Variants in PRKCA observed in about 807,000 individuals in gnomAD.
The protein encoded by PRKCA is protein kinase C alpha type.
Under a neutral mutation model 87.0 loss-of-function variants are expected in PRKCA, and 27 were observed. The ratio of observed to expected loss-of-function variants is 0.31; its 90% CI spans 0.23 to 0.43. The LOEUF (loss-of-function observed/expected upper bound fraction) is 0.43, where lower values mean the gene tolerates loss of function less well. Ranked by LOEUF, PRKCA falls within the 20% of genes least tolerant of loss-of-function variation. The pLI is 1.00. For synonymous variants in PRKCA, 329 were observed against 311.1 expected, an observed-to-expected ratio of 1.06 and a Z score of -0.61; for missense variants, 518 against 852.3, an observed-to-expected ratio of 0.61 and a Z score of 4.88.
At chr17:66,525,486 A>G (rs1302504624) in intron 3 of PRKCA, among the ~76,000 whole-genome samples, 1 of 152,230 alleles carries the variant, frequency 6.6e-6, no homozygotes, top group East Asian at 1.9e-4. Context: ...ACCACTTGAA[A>G]TCTGGTGCCC....
At chr17:66,660,358 T>G (rs1326725834) in intron 5 of PRKCA, among the ~76,000 whole-genome samples, 1 of 152,208 alleles carries the variant, frequency 6.6e-6, no homozygotes, top group Non-Finnish European at 1.5e-5. Flanking sequence ...TCCTTGCTGT[T>G]GTTTTAACTT....
At chr17:66,371,751 G>A (rs1438597199) in intron 2 of PRKCA, among the ~76,000 whole-genome samples, 1 of 152,202 alleles carries the variant, frequency 6.6e-6, no homozygotes, top group Admixed American at 6.5e-5. Flanking sequence ...ATACATTAGA[G>A]CAGGCAGGGT....
chr17:66,397,275 CTT>C (rs57003663), intron 2 of PRKCA, among the ~76,000 whole-genome samples: 1 of 93,718 alleles, frequency 1.1e-5, no homozygotes, highest in Non-Finnish European at 2.0e-5. Flanking sequence ...CCAGTGTAGA[CTT>C]TTTTTTTTTT....
At position 66,453,620 on chromosome 17, in the gene PRKCA, C is replaced by G. The variant is rs547745838; in HGVS notation, c.206-42581C>G. 2.0e-4 allele frequency among the ~76,000 whole-genome samples: 30 copies of G among 152,222 alleles called. 1 individual carries two copies. In the South Asian group the frequency reaches 5.8e-3, roughly 30 times the overall value. On this transcript the variant is annotated intron_variant, in intron 2 of 16. Coordinates refer to ENST00000413366, the MANE Select transcript of PRKCA (RefSeq NM_002737.3). ...GACGTGAGCCACTGCGCCCAGCCCC[C>G]CTGATCTTTAGAACTGCCCTGCTTG...
rs769899850 is a variant in PRKCA, at chr17:66,318,071, T to G, written c.205+11944T>G. ...GCTTCAAAATAAGATGATCATATTA[T>G]GAGTAATTTGCCTAACAATACTTCT... On this transcript the variant is annotated intron_variant, in intron 2 of 16. Coordinates refer to ENST00000413366, the MANE Select transcript of PRKCA (RefSeq NM_002737.3). Among the ~76,000 whole-genome samples, 5 of 152,248 alleles carry G rather than the reference T, an allele frequency of 3.3e-5. No individual in the cohort carries two copies. In the South Asian group the frequency reaches 6.2e-4, roughly 19 times the overall value.
chr17:66,563,551 T>C (rs942628147), intron 3 of PRKCA, among the ~76,000 whole-genome samples: 1 of 152,268 alleles, frequency 6.6e-6, no homozygotes, highest in Non-Finnish European at 1.5e-5. Flanking sequence ...GGGTATACCA[T>C]GGTTTATCCA....
intron 13 of PRKCA, among the ~76,000 whole-genome samples, chr17:66,768,755 A>G (rs1321949794): frequency 6.6e-6 from 1 of 152,208 alleles, no homozygotes; most frequent in Admixed American, 6.5e-5. Context: ...ATCCGCCCCC[A>G]TGAGCCAATC....
intron 2 of PRKCA, among the ~76,000 whole-genome samples, chr17:66,329,002 A>C (rs1906159582): frequency 6.6e-6 from 1 of 152,236 alleles, no homozygotes; most frequent in Non-Finnish European, 1.5e-5. Context: ...TGGCCTGATT[A>C]GTGTCTCCTT....
Position 66,399,864 on chromosome 17 carries a change from T to G in PRKCA, c.205+93737T>G, listed in dbSNP as rs1910917356. On this transcript the variant is annotated intron_variant, in intron 2 of 16. Coordinates refer to ENST00000413366, the MANE Select transcript of PRKCA (RefSeq NM_002737.3). Reference sequence around the variant, plus strand: ...TTGAATATCCCTTATCTGAAATGCTTGGGATCAGAAATGGTTCAGATTGGG... The same window carrying G: ...TTGAATATCCCTTATCTGAAATGCTGGGGATCAGAAATGGTTCAGATTGGG... Among the ~76,000 whole-genome samples the G allele has an allele frequency of 5.9e-5, 9 of 152,268 alleles. No homozygotes were observed. The South Asian group carries it at 1.9e-3, about 32-fold the overall frequency.
chr17:66,719,357 A>G (rs865910092), intron 8 of PRKCA, among the ~76,000 whole-genome samples: 3 of 152,244 alleles, frequency 2.0e-5, no homozygotes, highest in Non-Finnish European at 2.9e-5. Context: ...TCTGTATCAC[A>G]TAGGAAATCA....
At chr17:66,487,426 T>C (rs1022800004) in intron 2 of PRKCA, among the ~76,000 whole-genome samples, 7 of 152,230 alleles carry the variant, frequency 4.6e-5, no homozygotes, top group African/African-American at 1.4e-4. Flanking sequence ...CATCTGTTGA[T>C]GGGCATTAGG....
intron 2 of PRKCA, among the ~76,000 whole-genome samples, chr17:66,319,750 T>A (rs1350870827): frequency 6.6e-6 from 1 of 150,690 alleles, no homozygotes. Flanking sequence ...TTTTTTTTAA[T>A]TTTTTATTTG....
chr17:66,775,307 G>T (rs61762768), intron 14 of PRKCA: 10 of 985,156 alleles, frequency 1.0e-5, no homozygotes, highest in Non-Finnish European at 1.2e-5. Context: ...AGATTTCTCC[G>T]CTAATTCCTC....
intron 8 of PRKCA, among the ~76,000 whole-genome samples, chr17:66,722,859 C>T (rs1406125543): frequency 6.6e-6 from 1 of 152,238 alleles, no homozygotes. Flanking sequence ...GCTACAGCTT[C>T]TGCATTTAAT....
intron 2 of PRKCA, among the ~76,000 whole-genome samples, chr17:66,432,730 T>C (rs913270969): frequency 6.6e-6 from 1 of 152,176 alleles, no homozygotes; most frequent in African/African-American, 2.4e-5. Flanking sequence ...AGTTGCTGTT[T>C]GTTGATTGAA....
intron 3 of PRKCA, among the ~76,000 whole-genome samples, chr17:66,592,537 C>G (rs1270080359): frequency 6.6e-6 from 1 of 152,070 alleles, no homozygotes; most frequent in Non-Finnish European, 1.5e-5. Flanking sequence ...GCCGGTGCGT[C>G]CAAGGAATCA....
intron 2 of PRKCA, among the ~76,000 whole-genome samples, chr17:66,417,189 C>T (rs970940610): frequency 5.3e-5 from 8 of 151,688 alleles, no homozygotes; most frequent in East Asian, 1.9e-4. Context: ...TGTGAGCCAC[C>T]GTGCCCAGCC....
intron 9 of PRKCA, among the ~76,000 whole-genome samples, chr17:66,734,478 G>A (rs1281460598): frequency 6.6e-6 from 1 of 152,218 alleles, no homozygotes; most frequent in Non-Finnish European, 1.5e-5. Context: ...TGGGGTGCTG[G>A]TGGGAGTGTC....
chr17:66,484,051 A>G lies in PRKCA; in HGVS notation c.206-12150A>G, dbSNP rs998114985. On this transcript the variant is annotated intron_variant, in intron 2 of 16. Transcript: ENST00000413366. ...GCATGGCTGGGGAGGCCTCACAATC[A>G]TGGCAGAAGGTGAAAGTCTCGCCTT... 4.6e-5 allele frequency among the ~76,000 whole-genome samples: 7 copies of G among 152,290 alleles called. No homozygotes were observed. In the South Asian group the frequency reaches 6.2e-4, roughly 14 times the overall value.
Sources: allele counts gnomAD v4.1 joint callset (sites outside exome capture counted in the v4.1 genomes callset), GRCh38; gene constraint gnomAD v4.1.1; transcripts MANE v1.5; gene names NCBI Gene and HGNC (gene_info 2026-07-23, HGNC 2026-07-21).